Variants in FN3K observed in about 807,000 individuals in gnomAD.
FN3K encodes fructosamine 3 kinase.
FN3K carries 24 observed loss-of-function variants against 24.8 expected under a neutral mutation model. The observed-to-expected ratio is 0.97, with a 90% CI of 0.70 to 1.36. FN3K has a LOEUF of 1.36. FN3K is among the 40% of genes most tolerant of loss of function. FN3K has a pLI of 0.00. For synonymous variants in FN3K, 192 were observed against 175.2 expected, an observed-to-expected ratio of 1.10 and a Z score of -0.76; for missense variants, 449 against 416.7, an observed-to-expected ratio of 1.08 and a Z score of -0.67.
chr17:82,742,497 TTTCA>T lies in FN3K; in HGVS notation c.468+1109_468+1112del, dbSNP rs1443159242. On this transcript the variant is annotated intron_variant, in intron 4 of 5. Transcript: ENST00000300784. The stretch of plus-strand genomic sequence containing the variant: ...CACATAATATGTGATCTTTTGTATC[TTTCA>T]TTCAGCATCATGTTTCACAGCTCTT... The T allele has an allele frequency of 8.7e-6, 3 of 343,688 alleles. No homozygotes were observed. The Admixed American group carries it at 1.2e-4, about 14-fold the overall frequency. 21.3% of individuals were successfully genotyped at this position (343,688 alleles called of 1,614,324 possible).
chr17:82,738,320 G>GT (rs1036886137), intron 1 of FN3K, 169 bp from the exon 2 acceptor site: 2 of 812,066 alleles, frequency 2.5e-6, no homozygotes, highest in Non-Finnish European at 1.9e-6. Flanking sequence ...CTCCGACGGG[G>GT]GGCCCCTCTG....
chr17:82,742,571 TA>T (rs2046946753), intron 4 of FN3K: 1 of 382,734 alleles, frequency 2.6e-6, no homozygotes, highest in African/African-American at 2.1e-5. Context: ...TATGGCTGAA[TA>T]ATATTCCATT....
At position 82,750,740 on chromosome 17, in the gene FN3K, A is replaced by T. The variant is rs745918704; in HGVS notation, c.915A>T (p.Arg305=). 4.3e-6 allele frequency: 7 copies of T among 1,612,592 alleles called. No homozygotes were observed. In the South Asian group the frequency reaches 7.7e-5, roughly 18 times the overall value. ...EYRSPSLGTM[R]RLLK is the part of the protein sequence containing the mutation. ...GGAGCCCTTCCTTGGGCACCATGCGAAGGCTGCTCAAGTAGCGGCCCCTGC... is the reference window on the plus strand; with the variant it reads ...GGAGCCCTTCCTTGGGCACCATGCGTAGGCTGCTCAAGTAGCGGCCCCTGC... Residue 305 remains arginine, a synonymous_variant, in exon 6 of 6, where the codon CGA becomes CGT. Coordinates refer to ENST00000300784, the MANE Select transcript of FN3K (RefSeq NM_022158.4).
chr17:82,740,772 A>G lies in FN3K; in HGVS notation c.303A>G (p.Ser101=), dbSNP rs1208876129. Residue 101 remains serine, a synonymous_variant, in exon 3 of 6, where the codon TCA becomes TCG. Coordinates refer to ENST00000300784, the MANE Select transcript of FN3K (RefSeq NM_022158.4). ...TTTCTTCTTTCCTCAGTCAAGCATC[A>G]AAACTTGGAGAGCAGATGGCAGATT... ...LKMKSLSSQA[S]KLGEQMADLH... is the part of the protein sequence containing the mutation. 1 of 1,613,062 alleles carries G rather than the reference A, an allele frequency of 6.2e-7. No homozygotes were observed.
At chr17:82,743,387 A>T (rs1215399840) in intron 4 of FN3K, among the ~76,000 whole-genome samples, 1 of 152,200 alleles carries the variant, frequency 6.6e-6, no homozygotes, top group Non-Finnish European at 1.5e-5. Context: ...CAGCCTGGCT[A>T]GGAAGGGTGA....
intron 2 of FN3K, among the ~76,000 whole-genome samples, chr17:82,739,692 C>T (rs560728704): frequency 1.8e-4 from 27 of 152,040 alleles, no homozygotes; most frequent in African/African-American, 6.3e-4. Flanking sequence ...CTGCTGACCT[C>T]GTGATCTACC....
chr17:82,738,703 CAG>C (rs1444586767), intron 2 of FN3K, 63 bp downstream of exon 2: 10 of 1,586,490 alleles, frequency 6.3e-6, no homozygotes, highest in Admixed American at 1.7e-5. Context: ...CAGAGACAAA[CAG>C]AGAGAGACAG....
chr17:82,736,623 G>C (rs1214694464), intron 1 of FN3K, among the ~76,000 whole-genome samples: 1 of 152,212 alleles, frequency 6.6e-6, no homozygotes, highest in African/African-American at 2.4e-5. Flanking sequence ...AGAAAGGCAG[G>C]CCTGGGTGCC....
chr17:82,749,175 C>A, intron 5 of FN3K, 198 bp downstream of exon 5: 2 of 764,512 alleles, frequency 2.6e-6, no homozygotes, highest in Admixed American at 2.1e-5. Flanking sequence ...ACACACTTGG[C>A]TCCTCGTGCC....
At chr17:82,736,932 C>G (rs905461532) in intron 1 of FN3K, among the ~76,000 whole-genome samples, 1 of 152,196 alleles carries the variant, frequency 6.6e-6, no homozygotes, top group Admixed American at 6.5e-5. Context: ...CCTCCCACCC[C>G]CACGAGGGGC....
At chr17:82,742,940 A>T (rs995201775) in intron 4 of FN3K, among the ~76,000 whole-genome samples, 4 of 151,990 alleles carry the variant, frequency 2.6e-5, no homozygotes, top group Non-Finnish European at 4.4e-5. Flanking sequence ...CTGGGGCAAG[A>T]TCCTCATGAA....
Position 82,735,704 on chromosome 17 carries a change from G to T in FN3K, c.68G>T (p.Gly23Val). The change falls in exon 1 of 6, where the codon GGC becomes GTC. Residue 23 changes from glycine to valine, a missense_variant. Gly to Val is a moderately radical substitution (Grantham distance 109). Coordinates refer to ENST00000300784, the MANE Select transcript of FN3K (RefSeq NM_022158.4). ...CGGGCCTTCGGCGGCCCCGGCGCCG[G>T]CTGCATCAGCGAGGGCCGAGCCTAC... The part of the protein sequence containing the change: ...TLRAFGGPGA[G>V]CISEGRAYDT... The T allele has an allele frequency of 6.5e-7, 1 of 1,547,992 alleles. No homozygotes were observed. Among genetic ancestry groups the T allele is most frequent in the Non-Finnish European group, 8.7e-7 (1 of 1,148,818 alleles).
chr17:82,750,812 TCCC>T lies in FN3K; in HGVS notation c.*61_*63del. Reference sequence around the variant, plus strand: ...CCCCGTCTCCGTCTCCCCGTCCCTGTCCCCCCGTCCCCCGTCCCTGTGCCCCCG... The same window carrying T: ...CCCCGTCTCCGTCTCCCCGTCCCTGTCCCGTCCCCCGTCCCTGTGCCCCCG... On this transcript the variant is annotated 3_prime_UTR_variant, in exon 6 of 6. Transcript: ENST00000300784. 4.8e-6 allele frequency: 6 copies of T among 1,259,746 alleles called. No individual in the cohort carries two copies. The highest frequency in any genetic ancestry group is 6.3e-6 in the Non-Finnish European group (6 of 950,112). The allele number at this position is 1,259,746 out of a possible 1,614,324, so 78.0% of individuals were successfully genotyped here.
At chr17:82,736,908 G>A (rs1335393287) in intron 1 of FN3K, among the ~76,000 whole-genome samples, 1 of 152,220 alleles carries the variant, frequency 6.6e-6, no homozygotes, top group African/African-American at 2.4e-5. Context: ...TCTGCAGGGT[G>A]AGACCCCTCC....
chr17:82,745,633 C>T (rs1426382576), intron 4 of FN3K: 1 of 152,206 alleles, frequency 6.6e-6, no homozygotes, highest in Non-Finnish European at 1.5e-5. Context: ...TTTATCCATT[C>T]ACATGTGGAT....
rs763896761 is a variant in FN3K, at chr17:82,735,797, CG to C, written c.141+25del. On this transcript the variant is annotated intron_variant, in intron 1 of 5. Coordinates refer to ENST00000300784, the MANE Select transcript of FN3K (RefSeq NM_022158.4). ...ACGCAGGTGCTGGCCCGTGCGCAGG[CG>C]GGGGCTCTGCGGGTCTCTGCGGGGC... 3.3e-6 allele frequency: 5 copies of C among 1,512,766 alleles called. No individual in the cohort carries two copies. In the African/African-American group the frequency reaches 5.6e-5, roughly 17 times the overall value. The allele number at this position is 1,512,766 out of a possible 1,614,324, so 93.7% of individuals were successfully genotyped here.
Position 82,750,884 on chromosome 17 carries a change from C to A in FN3K, c.*129C>A. 1 of 544,050 alleles carries A rather than the reference C, an allele frequency of 1.8e-6. No individual in the cohort carries two copies. Among genetic ancestry groups the A allele is most frequent in the East Asian group, 3.3e-5 (1 of 29,998 alleles). The allele number at this position is 544,050 out of a possible 1,614,324, so 33.7% of individuals were successfully genotyped here. A position where few individuals can be genotyped will look rare whatever the true frequency, so the allele number is the denominator to read the frequency against. On this transcript the variant is annotated 3_prime_UTR_variant, in exon 6 of 6. Transcript: ENST00000300784. ...CGTCTCCCCGTCCCTCCGTCTCCAT[C>A]CCCCCGTCCCCCCATCCTCCTGTCC...
rs146409829 is a variant in FN3K at position 82,740,111 on chromosome 17, C to G, written c.294-652C>G. Among the ~76,000 whole-genome samples the G allele has an allele frequency of 1.9e-3, 287 of 152,100 alleles. 4 individuals are homozygous for G. The highest frequency in any genetic ancestry group is 0.014 in the Admixed American group (211 of 15,250). On this transcript the variant is annotated intron_variant, in intron 2 of 5. Transcript: ENST00000300784. The stretch of plus-strand genomic sequence containing the variant: ...AGAGATGGGGTTTCACCATATTGAC[C>G]AGGCTGGTCTTGAACTCCTGGCCTC...
chr17:82,738,947 T>TATACACGTG (rs1491164859), intron 2 of FN3K, among the ~76,000 whole-genome samples: 1 of 65,284 alleles, frequency 1.5e-5, no homozygotes, highest in African/African-American at 6.4e-5. Flanking sequence ...TATATATATA[T>TATACACGTG]TTTTTTTTTT....
Sources: gnomAD v4.1 joint callset for allele counts (sites outside exome capture counted in the v4.1 genomes callset) on GRCh38, gnomAD v4.1.1 for gene constraint, MANE v1.5 for transcripts, NCBI Gene and HGNC (gene_info 2026-07-23, HGNC 2026-07-21) for gene names.